TAFA1: variants seen among roughly 807,000 people sequenced by gnomAD.
TAFA1 encodes chemokine-like protein TAFA-1.
In TAFA1, 4 loss-of-function variants were observed where a neutral mutation model predicts 18.5. The ratio of observed to expected loss-of-function variants is 0.22; its 90% CI spans 0.11 to 0.49. The LOEUF is 0.49. Among genes scored for constraint, TAFA1 ranks in the 20% least tolerant of loss-of-function variants. TAFA1 has a pLI of 0.98. For missense variants in TAFA1, 147 were observed against 169.0 expected, an observed-to-expected ratio of 0.87 and a Z score of 0.72; for synonymous variants, 56 against 55.2, an observed-to-expected ratio of 1.01 and a Z score of -0.06.
chr3:68,473,602 A>G (rs1230936397), intron 3 of TAFA1, among the ~76,000 whole-genome samples: 1 of 152,148 alleles, frequency 6.6e-6, no homozygotes, highest in Non-Finnish European at 1.5e-5. Context: ...CATCCTTCCC[A>G]ACCAGAATTG....
intron 3 of TAFA1, among the ~76,000 whole-genome samples, chr3:68,532,070 T>G (rs1038940736): frequency 6.6e-6 from 1 of 152,220 alleles, no homozygotes; most frequent in African/African-American, 2.4e-5. Flanking sequence ...CAAATCTGTC[T>G]GTTAAAATGA....
intron 2 of TAFA1, among the ~76,000 whole-genome samples, chr3:68,192,212 T>C (rs2066350281): frequency 6.6e-6 from 1 of 151,820 alleles, no homozygotes; most frequent in Non-Finnish European, 1.5e-5. Context: ...ATGGAGATTA[T>C]GACAATTAAA....
intron 2 of TAFA1, among the ~76,000 whole-genome samples, chr3:68,155,323 A>G (rs560170508): frequency 6.6e-6 from 1 of 152,336 alleles, no homozygotes; most frequent in South Asian, 2.1e-4. Context: ...CAGCCTTAGC[A>G]GACAGGGATA....
chr3:68,097,675 A>C (rs890118884), intron 2 of TAFA1, among the ~76,000 whole-genome samples: 1 of 152,150 alleles, frequency 6.6e-6, no homozygotes, highest in African/African-American at 2.4e-5. Context: ...TATTTTGTCT[A>C]TCTTGTTCAC....
At chr3:68,384,824 A>G (rs954704410) in intron 2 of TAFA1, among the ~76,000 whole-genome samples, 1 of 151,904 alleles carries the variant, frequency 6.6e-6, no homozygotes, top group Non-Finnish European at 1.5e-5. Context: ...GTGTTCAAGA[A>G]CTTTCTTTAT....
At chr3:68,445,464 CTA>C in intron 3 of TAFA1, among the ~76,000 whole-genome samples, 1 of 152,100 alleles carries the variant, frequency 6.6e-6, no homozygotes, top group East Asian at 1.9e-4. Context: ...TATGGGCAAA[CTA>C]ATTTTCTCTG....
chr3:68,024,932 A>G (rs1193638761), intron 2 of TAFA1, among the ~76,000 whole-genome samples: 3 of 152,086 alleles, frequency 2.0e-5, no homozygotes, highest in Non-Finnish European at 4.4e-5. Flanking sequence ...TGGACACTTC[A>G]TTTGCCTCAA....
chr3:68,433,146 G>T lies in TAFA1; in HGVS notation c.259+15726G>T, dbSNP rs994473557. Among the ~76,000 whole-genome samples the T allele has an allele frequency of 2.0e-5, 3 of 152,008 alleles. No homozygotes were observed. In the South Asian group the frequency reaches 6.2e-4, roughly 31 times the overall value. On this transcript the variant is annotated intron_variant, in intron 3 of 4. Transcript: ENST00000478136. ...CCACCAGTCTGCTTACTTGAGCATGGTTTCAGCATCACTCAATAGCATTTG... is the reference window on the plus strand; with the variant it reads ...CCACCAGTCTGCTTACTTGAGCATGTTTTCAGCATCACTCAATAGCATTTG...
chr3:68,239,920 A>G lies in TAFA1; in HGVS notation c.119-177360A>G, dbSNP rs145263024. Among the ~76,000 whole-genome samples the G allele has an allele frequency of 2.5e-3, 381 of 152,348 alleles. 4 individuals carry two copies. The highest frequency in any genetic ancestry group is 8.8e-3 in the African/African-American group (364 of 41,578). On this transcript the variant is annotated intron_variant, in intron 2 of 4. Coordinates refer to ENST00000478136, the MANE Select transcript of TAFA1 (RefSeq NM_213609.4). ...ATATATAATAGCACCTTATAAATAA[A>G]TGGTGTTTATACATAATAGTGTAAA... is the stretch of plus-strand genomic sequence containing the variant.
chr3:68,310,671 T>G (rs2068499608), intron 2 of TAFA1, among the ~76,000 whole-genome samples: 1 of 152,220 alleles, frequency 6.6e-6, no homozygotes, highest in South Asian at 2.1e-4. Flanking sequence ...TAAAATTTAG[T>G]TCTGGATAAT....
chr3:68,375,887 G>T (rs1034809774), intron 2 of TAFA1, among the ~76,000 whole-genome samples: 1 of 152,142 alleles, frequency 6.6e-6, no homozygotes, highest in Admixed American at 6.6e-5. Flanking sequence ...TAGCTCTACT[G>T]CAGTCAAAAG....
intron 2 of TAFA1, among the ~76,000 whole-genome samples, chr3:68,370,490 A>G (rs868446662): frequency 1.5e-4 from 14 of 92,996 alleles, no homozygotes; most frequent in African/African-American, 4.4e-4. Context: ...ATATATATAT[A>G]TATATATATA....
At chr3:68,404,853 G>T (rs2070566866) in intron 2 of TAFA1, among the ~76,000 whole-genome samples, 1 of 151,714 alleles carries the variant, frequency 6.6e-6, no homozygotes, top group African/African-American at 2.4e-5. Context: ...TCAGTTTATG[G>T]CTCAGCAAGA....
chr3:68,306,528 A>T (rs1471205226), intron 2 of TAFA1, among the ~76,000 whole-genome samples: 4 of 152,156 alleles, frequency 2.6e-5, no homozygotes, highest in African/African-American at 9.7e-5. Context: ...GTATGTTTAA[A>T]TTTACATGCT....
intron 3 of TAFA1, among the ~76,000 whole-genome samples, chr3:68,474,939 A>G (rs148400379): frequency 1.6e-3 from 243 of 152,116 alleles, no homozygotes; most frequent in South Asian, 0.013. Context: ...CCTATTTTAT[A>G]TTACAAAAGT....
At chr3:68,101,904 A>G (rs1312052073) in intron 2 of TAFA1, among the ~76,000 whole-genome samples, 2 of 152,156 alleles carry the variant, frequency 1.3e-5, no homozygotes, top group Non-Finnish European at 2.9e-5. Flanking sequence ...TGAGACCCAG[A>G]TTAACACAGA....
At chr3:68,361,582 T>C (rs1575805051) in intron 2 of TAFA1, among the ~76,000 whole-genome samples, 1 of 152,004 alleles carries the variant, frequency 6.6e-6, no homozygotes, top group Non-Finnish European at 1.5e-5. Flanking sequence ...TATAGTCATG[T>C]AACAAATACA....
chr3:68,001,382 A>C (rs1704282007), upstream of TAFA1, among the ~76,000 whole-genome samples: 1 of 152,188 alleles, frequency 6.6e-6, no homozygotes, highest in African/African-American at 2.4e-5. Flanking sequence ...CCTAAGAAAA[A>C]TCTTGTCTCC....
At chr3:68,176,905 A>G (rs1392580466) in intron 2 of TAFA1, among the ~76,000 whole-genome samples, 1 of 152,010 alleles carries the variant, frequency 6.6e-6, no homozygotes. Flanking sequence ...TTCTGGGAGG[A>G]ATGTGGGGGG....
Sources: gnomAD v4.1 joint callset for allele counts (sites outside exome capture counted in the v4.1 genomes callset) on GRCh38, gnomAD v4.1.1 for gene constraint, MANE v1.5 for transcripts, NCBI Gene and HGNC (gene_info 2026-07-23, HGNC 2026-07-21) for gene names.